RBM18: variants seen among roughly 807,000 people sequenced by gnomAD.
The protein encoded by RBM18 is RNA binding motif protein 18, also known as probable RNA-binding protein 18.
Under a neutral mutation model 26.4 loss-of-function variants are expected in RBM18, and 18 were observed. That is an observed-to-expected ratio of 0.68 (90% CI 0.47 to 1.01). The LOEUF (loss-of-function observed/expected upper bound fraction) is 1.01. Among genes scored for constraint, RBM18 ranks in the 50% least tolerant of loss-of-function variants. RBM18 has a pLI of 0.00. For missense variants in RBM18, 180 were observed against 219.2 expected, an observed-to-expected ratio of 0.82 and a Z score of 1.13; for synonymous variants, 74 against 81.1, an observed-to-expected ratio of 0.91 and a Z score of 0.47.
Position 122,261,446 on chromosome 9 carries a change from A to G in RBM18, c.47T>C (p.Leu16Pro), listed in dbSNP as rs1437554916. The change falls in exon 2 of 6, where the codon CTT becomes CCT. Residue 16 changes from leucine (L) to proline (P), a missense_variant. This residue lies in a region of RBM18 where 49 missense variants were observed against 56.6 expected (regional missense o/e 0.87). Transcript: ENST00000417201. ...TCCTTCCTGCAGAGAGCCCTCTGAA[A>G]GGATGGATGCATTCTCCAGGGGAAG... is the stretch of plus-strand genomic sequence containing the variant. ...KTLPLENASI[L>P]SEGSLQEGHR... 1.9e-6 allele frequency: 3 copies of G among 1,614,230 alleles called. No homozygotes were observed. The highest frequency in any genetic ancestry group is 2.2e-5 in the South Asian group (2 of 91,082).
intron 2 of RBM18, among the ~76,000 whole-genome samples, chr9:122,254,122 T>G (rs1351062175): frequency 6.6e-6 from 1 of 151,654 alleles, no homozygotes; most frequent in Non-Finnish European, 1.5e-5. Flanking sequence ...CATCTTTTCA[T>G]TAGCTCCATT....
chr9:122,247,032 C>T (rs963057486), intron 4 of RBM18, among the ~76,000 whole-genome samples: 4 of 152,076 alleles, frequency 2.6e-5, no homozygotes, highest in Non-Finnish European at 5.9e-5. Context: ...CAAAGTCCCA[C>T]GAACCCACAC....
chr9:122,243,635 G>A (rs1413119747), intron 5 of RBM18: 3 of 738,790 alleles, frequency 4.1e-6, no homozygotes, highest in African/African-American at 1.9e-5. Flanking sequence ...TGGCCAGTGA[G>A]AGAAACTTGG....
At chr9:122,242,858 C>T (rs1276731992) in intron 5 of RBM18, among the ~76,000 whole-genome samples, 1 of 152,024 alleles carries the variant, frequency 6.6e-6, no homozygotes, top group South Asian at 2.1e-4. Context: ...GATGGAGTCT[C>T]GCTGTGTCGT....
intron 4 of RBM18, 136 bp downstream of exon 4, chr9:122,247,382 T>TAGATACA: frequency 1.4e-6 from 1 of 708,648 alleles, no homozygotes; most frequent in East Asian, 2.7e-5. Flanking sequence ...ACACACATGG[T>TAGATACA]AGATACAAGT....
chr9:122,254,566 C>G lies in RBM18; in HGVS notation c.114-2593G>C, dbSNP rs561926592. 2.6e-4 allele frequency among the ~76,000 whole-genome samples: 40 copies of G among 152,314 alleles called. 1 individual carries two copies. The South Asian group carries it at 8.1e-3, about 31-fold the overall frequency. On this transcript the variant is annotated intron_variant, in intron 2 of 5. Coordinates refer to ENST00000417201, the MANE Select transcript of RBM18 (RefSeq NM_033117.4). ...ATGTGCGCCCTGCAGCCTTCAGGAG[C>G]TGGAAAATTAGCACACCAGCCCCAC...
chr9:122,246,507 T>C (rs1463912247), intron 4 of RBM18, among the ~76,000 whole-genome samples: 1 of 152,246 alleles, frequency 6.6e-6, no homozygotes, highest in East Asian at 1.9e-4. Flanking sequence ...AAATGAGACT[T>C]GATTTTCCCT....
chr9:122,242,886 G>A (rs1173455283), intron 5 of RBM18, among the ~76,000 whole-genome samples: 1 of 152,036 alleles, frequency 6.6e-6, no homozygotes, highest in Non-Finnish European at 1.5e-5. Context: ...GAGTGCAGTG[G>A]TGTGATTTCG....
intron 2 of RBM18, among the ~76,000 whole-genome samples, chr9:122,256,584 A>T (rs4837954): frequency 0.51 from 77,014 of 152,060 alleles, 19,882 homozygotes; most frequent in East Asian, 0.84. Flanking sequence ...TTATGCTTAC[A>T]GTTAGATTGG....
chr9:122,256,825 A>C (rs1448855989), intron 2 of RBM18, among the ~76,000 whole-genome samples: 1 of 152,212 alleles, frequency 6.6e-6, no homozygotes, highest in Non-Finnish European at 1.5e-5. Flanking sequence ...GGGTTATGTA[A>C]GACAGACTCA....
chr9:122,246,099 T>C (rs1831502030), intron 4 of RBM18, among the ~76,000 whole-genome samples: 1 of 152,364 alleles, frequency 6.6e-6, no homozygotes, highest in Non-Finnish European at 1.5e-5. Context: ...CAGTTGTTGA[T>C]ACAGAAAACA....
chr9:122,260,373 C>CAA (rs1831770442), intron 2 of RBM18, among the ~76,000 whole-genome samples: 1 of 151,974 alleles, frequency 6.6e-6, no homozygotes, highest in East Asian at 1.9e-4. Flanking sequence ...AACAAACAAA[C>CAA]AAAAAAACTG....
intron 4 of RBM18, among the ~76,000 whole-genome samples, chr9:122,246,914 T>G (rs1486387038): frequency 6.6e-6 from 1 of 150,718 alleles, no homozygotes; most frequent in Non-Finnish European, 1.5e-5. Context: ...ATTTGTTTTG[T>G]TTTTTTTAAT....
At chr9:122,250,304 T>C (rs1465876107) in intron 3 of RBM18, among the ~76,000 whole-genome samples, 6 of 152,188 alleles carry the variant, frequency 3.9e-5, no homozygotes, top group Non-Finnish European at 7.3e-5. Flanking sequence ...AGAAAAACTA[T>C]GCATGGACTT....
At chr9:122,243,932 T>A (rs1831464103) in intron 5 of RBM18, 3 of 902,176 alleles carry the variant, frequency 3.3e-6, no homozygotes, top group Non-Finnish European at 1.3e-6. Flanking sequence ...ATACAAATCA[T>A]AAGAAACTAA....
intron 2 of RBM18, among the ~76,000 whole-genome samples, chr9:122,260,755 C>G (rs1831780060): frequency 1.3e-5 from 2 of 152,180 alleles, no homozygotes; most frequent in South Asian, 4.1e-4. Flanking sequence ...TCTCTTCTCC[C>G]TTTTAGTCAG....
At chr9:122,255,189 T>A (rs1418106877) in intron 2 of RBM18, among the ~76,000 whole-genome samples, 5 of 152,236 alleles carry the variant, frequency 3.3e-5, no homozygotes, top group Non-Finnish European at 5.9e-5. Context: ...GAAATTACTA[T>A]GAGATGGGTC....
At chr9:122,242,067 C>G (rs1409840348) in intron 5 of RBM18, 24 bp from the exon 6 acceptor site, 1 of 1,612,624 alleles carries the variant, frequency 6.2e-7, no homozygotes, top group South Asian at 1.1e-5. Context: ...AGCAGAGGAT[C>G]AGAGTGGGCC....
intron 1 of RBM18, among the ~76,000 whole-genome samples, chr9:122,262,424 A>G (rs1335575573): frequency 7.6e-6 from 1 of 131,886 alleles, no homozygotes; most frequent in Non-Finnish European, 1.6e-5. Context: ...GAAGCATTCA[A>G]TTAATGTTAG....
Sources: gnomAD v4.1 joint callset for allele counts (sites outside exome capture counted in the v4.1 genomes callset) on GRCh38, gnomAD v4.1.1 for gene constraint, gnomAD v4.1.1 regional missense constraint, MANE v1.5 for transcripts, NCBI Gene and HGNC (gene_info 2026-07-23, HGNC 2026-07-21) for gene names.